The following MAN1B1 variants were observed in gnomAD, a reference collection of about 807,000 sequenced individuals.
MAN1B1 encodes the protein mannosidase alpha class 1B member 1, also known as endoplasmic reticulum mannosyl-oligosaccharide 1,2-alpha-mannosidase.
In MAN1B1, 66 loss-of-function variants were observed where a neutral mutation model predicts 75.5. The ratio of observed to expected loss-of-function variants is 0.87; its 90% confidence interval spans 0.72 to 1.07. The LOEUF (loss-of-function observed/expected upper bound fraction) is 1.07. Among genes scored for constraint, MAN1B1 ranks in the 50% least tolerant of loss-of-function variants. The pLI, the probability that MAN1B1 is intolerant of heterozygous loss-of-function variation, is 0.00. For missense variants in MAN1B1, 973 were observed against 912.5 expected (o/e 1.07, Z -0.85); for synonymous variants, 453 against 382.8 (o/e 1.18, Z -2.14).
At chr9:137,102,492 C>T (rs1345182279) in intron 8 of MAN1B1, 37 of 404,918 alleles carry the variant, frequency 9.1e-5, no homozygotes, top group Admixed American at 4.5e-4. Context: ...CTGTTGCAGG[C>T]GTGCAGGTCA....
intron 5 of MAN1B1, among the ~76,000 whole-genome samples, chr9:137,098,872 A>G (rs1300939533): frequency 2.6e-5 from 4 of 152,118 alleles, no homozygotes; most frequent in Non-Finnish European, 5.9e-5. Flanking sequence ...ATATATGTGT[A>G]TATTTGAGAC....
At chr9:137,099,420 A>G (rs1830745089) in intron 5 of MAN1B1, among the ~76,000 whole-genome samples, 1 of 152,182 alleles carries the variant, frequency 6.6e-6, no homozygotes, top group African/African-American at 2.4e-5. Context: ...CGCCAGGTGG[A>G]GGTGCATGGG....
At chr9:137,094,267 G>A (rs868218235) in intron 3 of MAN1B1, 9 of 183,664 alleles carry the variant, frequency 4.9e-5, no homozygotes, top group South Asian at 1.7e-4. Context: ...CTCCTGCCTC[G>A]GCCTCCCAAA....
intron 5 of MAN1B1, among the ~76,000 whole-genome samples, chr9:137,099,257 C>A (rs1208743988): frequency 6.6e-6 from 1 of 152,286 alleles, no homozygotes; most frequent in Non-Finnish European, 1.5e-5. Flanking sequence ...GCGAGGTCTG[C>A]ACCCGTCCGT....
intron 4 of MAN1B1, among the ~76,000 whole-genome samples, chr9:137,097,141 C>T (rs899386408): frequency 2.0e-5 from 3 of 152,224 alleles, no homozygotes; most frequent in African/African-American, 7.2e-5. Flanking sequence ...GGCCACTGTG[C>T]TCTAGTTAGC....
chr9:137,106,633 C>A (rs978431559), intron 9 of MAN1B1, 56 bp from the exon 10 acceptor site: 2 of 1,611,056 alleles, frequency 1.2e-6, no homozygotes, highest in African/African-American at 1.3e-5. Flanking sequence ...TCCCTGGTGC[C>A]CCACGGGAGC....
intron 8 of MAN1B1, chr9:137,104,074 C>T (rs1001067035): frequency 4.4e-5 from 20 of 456,544 alleles, no homozygotes; most frequent in South Asian, 2.0e-4. Context: ...GCTATCACTT[C>T]CATCTCCAGA....
intron 2 of MAN1B1, 142 bp downstream of exon 2, chr9:137,088,325 G>C: frequency 6.2e-7 from 1 of 1,603,828 alleles, no homozygotes; most frequent in South Asian, 1.1e-5. Context: ...GAGAAAGGTA[G>C]AGCTGTATGT....
At chr9:137,088,263 A>C in intron 2 of MAN1B1, 80 bp downstream of exon 2, 1 of 1,613,278 alleles carries the variant, frequency 6.2e-7, no homozygotes, top group Non-Finnish European at 8.5e-7. Context: ...TTCTACCTTA[A>C]ACAGCTCCAG....
chr9:137,108,223 T>C, intron 12 of MAN1B1, 165 bp from the exon 13 acceptor site: 1 of 668,240 alleles, frequency 1.5e-6, no homozygotes, highest in Non-Finnish European at 2.7e-6. Context: ...TGGGCTCCGG[T>C]GGAACCACAC....
rs1275820768 is a variant in MAN1B1, at chr9:137,088,160, T to G, written c.305T>G (p.Ile102Ser). 2 of 1,614,194 alleles carry G rather than the reference T, an allele frequency of 1.2e-6. No individual in the cohort carries two copies. The highest frequency in any genetic ancestry group is 4.5e-5 in the East Asian group (2 of 44,892). ...FLLFCGLLFYINLADHWKALA... is the reference protein window; with the variant it reads ...FLLFCGLLFYSNLADHWKALA... ...CTTTTCTGTGGACTCCTCTTCTACATCAACTTGGCTGACCATTGGAAAGGT... is the reference window on the plus strand; with the variant it reads ...CTTTTCTGTGGACTCCTCTTCTACAGCAACTTGGCTGACCATTGGAAAGGT... The change falls in exon 2 of 13, where the codon ATC becomes AGC. Residue 102 changes from isoleucine to serine, a missense_variant. By Grantham distance (142) the Ile-to-Ser change is moderately radical. Coordinates refer to ENST00000371589, the MANE Select transcript of MAN1B1 (RefSeq NM_016219.5).
At chr9:137,091,473 T>G (rs1184821775) in intron 3 of MAN1B1, among the ~76,000 whole-genome samples, 1 of 152,050 alleles carries the variant, frequency 6.6e-6, no homozygotes, top group Non-Finnish European at 1.5e-5. Flanking sequence ...GCCAGATCCC[T>G]TTCTGTTAAC....
Position 137,101,741 on chromosome 9 carries a change from C to T in MAN1B1, c.1254+69C>T. ...TACCTTTTGCTCATCACAGCAGGTA[C>T]TGTGTGTGTGTGTGTATGTGCATGT... is the stretch of plus-strand genomic sequence containing the variant. On this transcript the variant is annotated intron_variant, in intron 8 of 12. Transcript: ENST00000371589. The T allele has an allele frequency of 3.4e-6, 5 of 1,465,952 alleles. No homozygotes were observed. In the South Asian group the frequency reaches 6.0e-5, roughly 18 times the overall value. The allele number at this position is 1,465,952 out of a possible 1,614,324, so 90.8% of individuals were successfully genotyped here. A position where few individuals can be genotyped will look rare whatever the true frequency, so the allele number is the denominator to read the frequency against.
In MAN1B1 at chr9:137,088,967, GA is replaced by G; in HGVS notation, c.428del (p.Asp143AlafsTer35). On this transcript the variant is annotated frameshift_variant, in exon 3 of 13. Coordinates refer to ENST00000371589, the MANE Select transcript of MAN1B1 (RefSeq NM_016219.5). LOFTEE classifies it high-confidence loss of function. ...CGTCTTACCAGCTCCTCAGAAGGCG[GA>G]CACCGACCCTGAGAACTTACCTGAG... is the stretch of plus-strand genomic sequence containing the variant. The part of the protein sequence containing the change: ...PPVLPAPQKA[D>X]TDPENLPEIS... 3 of 1,614,000 alleles carry G rather than the reference GA, an allele frequency of 1.9e-6. No individual in the cohort carries two copies. The highest frequency in any genetic ancestry group is 2.5e-6 in the Non-Finnish European group (3 of 1,180,020).
chr9:137,087,117 C>T lies in MAN1B1; in HGVS notation c.118C>T (p.Pro40Ser). The change falls in exon 1 of 13, where the codon CCG becomes TCG. Residue 40 changes from proline to serine, a missense_variant. Coordinates refer to ENST00000371589, the MANE Select transcript of MAN1B1 (RefSeq NM_016219.5). ...CGCCACCACTGTAGTCATGTACCCA[C>T]CGCCGCCGCCGCCGCCTCATCGGGA... ...AVATTVVMYP[P>S]PPPPPHRDFI... The T allele has an allele frequency of 6.3e-7, 1 of 1,584,940 alleles. No individual in the cohort carries two copies. The highest frequency in any genetic ancestry group is 1.7e-4 in the Middle Eastern group (1 of 5,942).
chr9:137,102,577 C>G lies in MAN1B1; in HGVS notation c.1254+905C>G, dbSNP rs200532225. 8.3e-3 allele frequency: 3,432 copies of G among 412,234 alleles called. 172 individuals are homozygous for G. Among genetic ancestry groups the G allele is most frequent in the African/African-American group, 0.075 (3,116 of 41,384 alleles). The allele number at this position is 412,234 out of a possible 1,614,324, so 25.5% of individuals were successfully genotyped here. ...ACACATTCACGCTGTTGCAGATGTGCAGGTCGGTGCTGTTACATTCACGCT... is the reference window on the plus strand; with the variant it reads ...ACACATTCACGCTGTTGCAGATGTGGAGGTCGGTGCTGTTACATTCACGCT... On this transcript the variant is annotated intron_variant, in intron 8 of 12. Coordinates refer to ENST00000371589, the MANE Select transcript of MAN1B1 (RefSeq NM_016219.5).
Position 137,088,946 on chromosome 9 carries a change from T to C in MAN1B1, c.406T>C (p.Leu136=), listed in dbSNP as rs747045528. ...GTTAAAACCAGCAAATCCACCCGTC[T>C]TACCAGCTCCTCAGAAGGCGGACAC... The part of the protein sequence containing the change: ...AGLKPANPPV[L]PAPQKADTDP... The change falls in exon 3 of 13, where the codon TTA becomes CTA. Residue 136 remains leucine (L), a synonymous_variant. Coordinates refer to ENST00000371589, the MANE Select transcript of MAN1B1 (RefSeq NM_016219.5). 1 of 1,614,044 alleles carries C rather than the reference T, an allele frequency of 6.2e-7. No homozygotes were observed. Among genetic ancestry groups the C allele is most frequent in the Non-Finnish European group, 8.5e-7 (1 of 1,180,030 alleles).
chr9:137,102,905 GTGT>G (rs1211973844), intron 8 of MAN1B1: 7 of 420,568 alleles, frequency 1.7e-5, no homozygotes, highest in African/African-American at 1.2e-4. Context: ...CAGGTCAGTG[GTGT>G]TACACACATT....
rs988083849 is a variant in MAN1B1, at chr9:137,109,142, G to A, written c.*551G>A. 1 of 454,828 alleles carries A rather than the reference G, an allele frequency of 2.2e-6. No individual in the cohort carries two copies. The highest frequency in any genetic ancestry group is 4.4e-6 in the Non-Finnish European group (1 of 227,030). 28.2% of individuals were successfully genotyped at this position (454,828 alleles called of 1,614,324 possible). A position where few individuals can be genotyped will look rare whatever the true frequency, so the allele number is the denominator to read the frequency against. On this transcript the variant is annotated 3_prime_UTR_variant, in exon 13 of 13. Coordinates refer to ENST00000371589, the MANE Select transcript of MAN1B1 (RefSeq NM_016219.5). The stretch of plus-strand genomic sequence containing the variant: ...GTCTAGCTCACGGGCCCCTCCAGTG[G>A]AATGGGTCTTTTCGGTGGAGATAAA...
Sources: allele counts gnomAD v4.1 joint callset (sites outside exome capture counted in the v4.1 genomes callset), GRCh38; gene constraint gnomAD v4.1.1; transcripts MANE v1.5; gene names NCBI Gene and HGNC (gene_info 2026-07-23, HGNC 2026-07-21).